PRCP: variants seen among roughly 807,000 people sequenced by gnomAD.
The protein encoded by PRCP is lysosomal Pro-X carboxypeptidase.
PRCP carries 46 observed loss-of-function variants against 54.2 expected under a neutral mutation model. That is an observed-to-expected ratio of 0.85 (90% CI 0.67 to 1.09). The LOEUF (loss-of-function observed/expected upper bound fraction) is 1.09. Among genes scored for constraint, PRCP ranks in the 50% least tolerant of loss-of-function variants. The probability of loss-of-function intolerance (pLI) is 0.00; values close to 1 mark genes in which losing one functional copy is unlikely to be tolerated. For synonymous variants in PRCP, 240 were observed against 212.2 expected, an observed-to-expected ratio of 1.13 and a Z score of -1.14; for missense variants, 613 against 596.8, an observed-to-expected ratio of 1.03 and a Z score of -0.28.
intron 6 of PRCP, among the ~76,000 whole-genome samples, chr11:82,847,561 G>C (rs1858837073): frequency 6.6e-6 from 1 of 152,168 alleles, no homozygotes; most frequent in Non-Finnish European, 1.5e-5. Context: ...AGATGAACTA[G>C]TTTAGATTTA....
chr11:82,899,598 A>G (rs1274070188), intron 1 of PRCP, among the ~76,000 whole-genome samples: 1 of 152,196 alleles, frequency 6.6e-6, no homozygotes, highest in Non-Finnish European at 1.5e-5. Flanking sequence ...ATCAAGCCCA[A>G]AAACCTCTAA....
At chr11:82,829,888 G>A (rs1326615041) in intron 8 of PRCP, 1 of 152,122 alleles carries the variant, frequency 6.6e-6, no homozygotes, top group Non-Finnish European at 1.5e-5. Context: ...CTTTTTACGT[G>A]GGAAAGAAAA....
rs397795636 is a variant in PRCP, at chr11:82,850,128, T to TA, written c.594-58_594-57insT. 10 of 817,722 alleles carry TA rather than the reference T, an allele frequency of 1.2e-5. No individual in the cohort carries two copies. In the Admixed American group the frequency reaches 3.1e-4, roughly 25 times the overall value. The allele number at this position is 817,722 out of a possible 1,614,324, so 50.7% of individuals were successfully genotyped here. On this transcript the variant is annotated intron_variant, in intron 4 of 8. Coordinates refer to ENST00000313010, the MANE Select transcript of PRCP (RefSeq NM_005040.4). ...AGAAAAGAAAAAATATATATATATA[T>TA]TATATATATGTCATCTAAATCAAGT...
chr11:82,871,326 G>T (rs755771155), intron 1 of PRCP, among the ~76,000 whole-genome samples: 40 of 151,966 alleles, frequency 2.6e-4, no homozygotes, highest in Middle Eastern at 3.4e-3. Flanking sequence ...CTATGGGCGT[G>T]CCCCACCATT....
At chr11:82,840,422 A>G (rs908069030) in intron 6 of PRCP, 1 of 152,220 alleles carries the variant, frequency 6.6e-6, no homozygotes, top group Admixed American at 6.5e-5. Context: ...AATAAAGCTG[A>G]AGTATTTAAG....
intron 1 of PRCP, among the ~76,000 whole-genome samples, chr11:82,885,510 T>C (rs1030074227): frequency 2.6e-5 from 4 of 152,182 alleles, no homozygotes; most frequent in African/African-American, 9.7e-5. Context: ...AAATTTTCAG[T>C]CTAATATCCT....
intron 1 of PRCP, among the ~76,000 whole-genome samples, chr11:82,880,726 T>C (rs1234003085): frequency 2.0e-5 from 3 of 152,170 alleles, no homozygotes; most frequent in East Asian, 1.9e-4. Flanking sequence ...AGCCCTGCTA[T>C]TATGCAAGAG....
chr11:82,840,211 C>T (rs1236066970), intron 6 of PRCP: 1 of 152,086 alleles, frequency 6.6e-6, no homozygotes, highest in East Asian at 1.9e-4. Context: ...CTATAAAAAT[C>T]AGACAATATT....
chr11:82,853,312 C>T, intron 2 of PRCP, 34 bp from the exon 3 acceptor site: 1 of 1,559,722 alleles, frequency 6.4e-7, no homozygotes, highest in Non-Finnish European at 8.8e-7. Flanking sequence ...AGGATAAAAT[C>T]AGAATGTGAA....
In PRCP at chr11:82,824,222, C is replaced by A. The variant is rs1374347690; in HGVS notation, c.*684G>T. ...AGGCCAGATTTCTTACTGGCAGTAC[C>A]ACAGTGGCCAACATCCCAGAACTAA... is the stretch of plus-strand genomic sequence containing the variant. On this transcript the variant is annotated 3_prime_UTR_variant, in exon 9 of 9. Transcript: ENST00000313010. 1 of 152,302 alleles carries A rather than the reference C, an allele frequency of 6.6e-6. No individual in the cohort carries two copies. Among genetic ancestry groups the A allele is most frequent in the East Asian group, 1.9e-4 (1 of 5,180 alleles). The allele number at this position is 152,302 out of a possible 1,614,324, so 9.4% of individuals were successfully genotyped here. A position where few individuals can be genotyped will look rare whatever the true frequency, so the allele number is the denominator to read the frequency against.
intron 1 of PRCP, among the ~76,000 whole-genome samples, chr11:82,866,927 G>T (rs1591059662): frequency 6.6e-6 from 1 of 151,986 alleles, no homozygotes; most frequent in Non-Finnish European, 1.5e-5. Context: ...TCACCATGTT[G>T]GCCAGGCTGG....
At chr11:82,882,982 A>G (rs1277757924) in intron 1 of PRCP, among the ~76,000 whole-genome samples, 1 of 152,054 alleles carries the variant, frequency 6.6e-6, no homozygotes, top group Admixed American at 6.6e-5. Context: ...GCCAGTGTCT[A>G]TGCCATATTG....
At chr11:82,881,554 G>GA (rs1429803273) in intron 1 of PRCP, among the ~76,000 whole-genome samples, 1 of 151,918 alleles carries the variant, frequency 6.6e-6, no homozygotes, top group Non-Finnish European at 1.5e-5. Flanking sequence ...AAGGAGAGGA[G>GA]AAAAAAAACA....
intron 1 of PRCP, among the ~76,000 whole-genome samples, chr11:82,882,743 C>T (rs1360943369): frequency 1.3e-5 from 2 of 151,770 alleles, no homozygotes; most frequent in Non-Finnish European, 2.9e-5. Flanking sequence ...GATCCGCCCG[C>T]CTCGGCCTCC....
chr11:82,891,697 AGACATT>A (rs1265707749), intron 1 of PRCP, among the ~76,000 whole-genome samples: 1 of 152,054 alleles, frequency 6.6e-6, no homozygotes, highest in African/African-American at 2.4e-5. Flanking sequence ...TTCCCTGCCT[AGACATT>A]CCCTGTGCCT....
At chr11:82,853,600 C>G (rs900723418) in intron 2 of PRCP, among the ~76,000 whole-genome samples, 1 of 152,138 alleles carries the variant, frequency 6.6e-6, no homozygotes, top group Non-Finnish European at 1.5e-5. Flanking sequence ...AGAGCCAGTA[C>G]AAATCCTACT....
intron 8 of PRCP, chr11:82,831,043 CAAAAAAAAAAAAA>C (rs11356609): frequency 1.3e-4 from 9 of 67,222 alleles, no homozygotes; most frequent in Admixed American, 1.0e-3. Flanking sequence ...GGAAAATCTA[CAAAAAAAAAAAAA>C]AAAAAAAAAA....
intron 1 of PRCP, among the ~76,000 whole-genome samples, chr11:82,867,826 G>A (rs1204532862): frequency 1.3e-5 from 2 of 152,028 alleles, no homozygotes; most frequent in African/African-American, 2.4e-5. Context: ...GGGCTCAGGC[G>A]ATCCTCCTTC....
chr11:82,836,780 TCAAG>T, intron 8 of PRCP: 2 of 240,474 alleles, frequency 8.3e-6, no homozygotes, highest in Non-Finnish European at 1.7e-5. Context: ...ACTCCTGGGC[TCAAG>T]CAAGCCATTT....
Sources: allele counts gnomAD v4.1 joint callset (sites outside exome capture counted in the v4.1 genomes callset), GRCh38; gene constraint gnomAD v4.1.1; transcripts MANE v1.5; gene names NCBI Gene and HGNC (gene_info 2026-07-23, HGNC 2026-07-21).